HNRNPH1: variants seen among roughly 807,000 people sequenced by gnomAD.
HNRNPH1 encodes the protein heterogeneous nuclear ribonucleoprotein H1.
HNRNPH1 carries 4 observed loss-of-function variants against 58.6 expected under a neutral mutation model. The observed-to-expected ratio is 0.07, with a 90% CI of 0.03 to 0.16. The LOEUF is 0.16. Ranked by LOEUF, HNRNPH1 falls within the 10% of genes least tolerant of loss-of-function variation. The pLI, the probability that HNRNPH1 is intolerant of heterozygous loss-of-function variation, is 1.00. For synonymous variants in HNRNPH1, 192 were observed against 189.2 expected (o/e 1.01, Z -0.12); for missense variants, 271 against 564.2 (o/e 0.48, Z 5.26).
intron 2 of HNRNPH1, chr5:179,633,952 T>TAAAATAAAATAAAATAA (rs1163365011): frequency 6.6e-6 from 1 of 152,130 alleles, no homozygotes; most frequent in African/African-American, 2.4e-5. Context: ...TAAAATAAAA[T>TAAAATAAAATAAAATAA]AACAAAGTAA....
chr5:179,631,538 G>T (rs957429377), intron 2 of HNRNPH1, among the ~76,000 whole-genome samples: 2 of 152,032 alleles, frequency 1.3e-5, no homozygotes, highest in African/African-American at 2.4e-5. Context: ...CTGAGGTCGG[G>T]AGTTCAAGAC....
At position 179,615,496 on chromosome 5, in the gene HNRNPH1, CAT is replaced by C. The variant is rs766806957; in HGVS notation, c.*48_*49del. On this transcript the variant is annotated intron_variant, in intron 12 of 12. Transcript: ENST00000356731. The stretch of plus-strand genomic sequence containing the variant: ...ACTGCTATAGAAAGCATTATTACAA[CAT>C]ATCAGTATTTGCTATTGGGAATTTA... 11 of 988,340 alleles carry C rather than the reference CAT, an allele frequency of 1.1e-5. No homozygotes were observed. In the African/African-American group the frequency reaches 1.5e-4, roughly 13 times the overall value. 61.2% of individuals were successfully genotyped at this position (988,340 alleles called of 1,614,324 possible). A position where few individuals can be genotyped will look rare whatever the true frequency, so the allele number is the denominator to read the frequency against.
chr5:179,617,453 A>G (rs1432495586), intron 8 of HNRNPH1, 61 bp downstream of exon 9: 13 of 1,546,498 alleles, frequency 8.4e-6, no homozygotes, highest in South Asian at 2.3e-5. Flanking sequence ...CCATTTCTCT[A>G]TTGTAAATGT....
chr5:179,629,823 G>A (rs1472372010), intron 2 of HNRNPH1, among the ~76,000 whole-genome samples: 1 of 152,058 alleles, frequency 6.6e-6, no homozygotes, highest in Admixed American at 6.5e-5. Context: ...AAGAGTTGGA[G>A]ACCAGCCTGG....
chr5:179,617,410 T>G (rs1448238546), intron 8 of HNRNPH1, 104 bp downstream of exon 9: 1 of 1,314,820 alleles, frequency 7.6e-7, no homozygotes, highest in Non-Finnish European at 1.1e-6. Flanking sequence ...AATCTATTAC[T>G]GGAGAGGAAA....
intron 10 of HNRNPH1, 126 bp downstream of exon 11, chr5:179,616,743 A>G (rs766092388): frequency 1.1e-4 from 85 of 797,160 alleles, no homozygotes; most frequent in Non-Finnish European, 7.0e-5. Flanking sequence ...CAAAACTCAA[A>G]TATCAAGAAA....
At chr5:179,617,342 T>TA in intron 8 of HNRNPH1, 172 bp downstream of exon 9, 1 of 791,664 alleles carries the variant, frequency 1.3e-6, no homozygotes. Context: ...ACAAATCCGT[T>TA]ATACTAATTT....
intron 12 of HNRNPH1, 48 bp downstream of exon 13, chr5:179,615,498 T>TA (rs1358067345): frequency 2.0e-6 from 2 of 993,580 alleles, no homozygotes; most frequent in East Asian, 2.4e-5. Flanking sequence ...TATTACAACA[T>TA]ATCAGTATTT....
At chr5:179,616,724 A>G (rs1769914648) in intron 10 of HNRNPH1, 145 bp downstream of exon 11, 1 of 687,732 alleles carries the variant, frequency 1.5e-6, no homozygotes, top group African/African-American at 1.8e-5. Context: ...GATTTAAGTA[A>G]GCCAGATACA....
chr5:179,625,115 G>A (rs1372342062), upstream of HNRNPH1, among the ~76,000 whole-genome samples: 1 of 151,808 alleles, frequency 6.6e-6, no homozygotes, highest in Admixed American at 6.6e-5. Flanking sequence ...GGTGAATGAC[G>A]GTACATACCA....
intron 4 of HNRNPH1, 25 bp from the exon 6 acceptor site, chr5:179,618,348 G>A: frequency 2.0e-6 from 3 of 1,530,468 alleles, no homozygotes; most frequent in Non-Finnish European, 2.7e-6. Context: ...ATAAGGAAGG[G>A]GTAGGGAGGG....
At chr5:179,614,942 T>G in exon 13 of HNRNPH1, 1 of 1,547,106 alleles carries the variant, frequency 6.5e-7, no homozygotes. Flanking sequence ...TAGCTGCTGT[T>G]CACTGCTCCT....
chr5:179,616,938 A>G (rs180877133), exon 10 of HNRNPH1: 1 of 1,612,718 alleles, frequency 6.2e-7, no homozygotes, highest in African/African-American at 1.3e-5. Context: ...GAATTCAAGA[A>G]GAGTTCTACA....
exon 1 of HNRNPH1, chr5:179,624,387 C>T (rs1774130694): frequency 2.5e-6 from 1 of 396,754 alleles, no homozygotes; most frequent in African/African-American, 2.1e-5. Flanking sequence ...CTGTACCCAG[C>T]TTTTGCCTAA....
intron 8 of HNRNPH1, 97 bp downstream of exon 9, chr5:179,617,417 G>C: frequency 7.3e-7 from 1 of 1,376,516 alleles, no homozygotes; most frequent in African/African-American, 1.4e-5. Context: ...TACTGGAGAG[G>C]AAACTTCTCA....
chr5:179,623,261 A>C (rs918040966), exon 1 of HNRNPH1: 2 of 563,538 alleles, frequency 3.5e-6, no homozygotes, highest in Non-Finnish European at 6.3e-6. Context: ...ACGGAGCAAA[A>C]ACCGGGCGGA....
exon 1 of HNRNPH1, chr5:179,623,152 G>C (rs1418808443): frequency 1.3e-6 from 2 of 1,578,110 alleles, no homozygotes; most frequent in East Asian, 4.5e-5. Flanking sequence ...ACGCGGTCCG[G>C]CGTCGAAACA....
rs866316977 is a variant in HNRNPH1 at position 179,616,859 on chromosome 5, C to G, written c.1207+10G>C. On this transcript the variant is annotated intron_variant, in intron 10 of 12. Transcript: ENST00000356731. ...ACGTTTTGGTTTTTAAAAAAACTAACGATATTTACACAAGCCCATGCCTCC... is the reference window on the plus strand; with the variant it reads ...ACGTTTTGGTTTTTAAAAAAACTAAGGATATTTACACAAGCCCATGCCTCC... The G allele has an allele frequency of 2.5e-6, 4 of 1,609,432 alleles. No homozygotes were observed. In the African/African-American group the frequency reaches 4.0e-5, roughly 16 times the overall value.
chr5:179,615,218 A>G (rs1167950848), intron 12 of HNRNPH1: 1 of 438,118 alleles, frequency 2.3e-6, no homozygotes, highest in East Asian at 3.5e-5. Context: ...AATTAAGTTT[A>G]AAGGAAAACT....
Sources: allele counts gnomAD v4.1 joint callset (sites outside exome capture counted in the v4.1 genomes callset), GRCh38; gene constraint gnomAD v4.1.1; transcripts MANE v1.5; gene names NCBI Gene and HGNC (gene_info 2026-07-23, HGNC 2026-07-21).